The following UTRN variants were observed in gnomAD, a reference collection of about 807,000 sequenced individuals.
UTRN encodes the protein dystrophin-related protein 1.
A neutral mutation model predicts 463.9 loss-of-function variants in UTRN; 283 were observed. The observed-to-expected ratio is 0.61, with a 90% CI of 0.55 to 0.67. UTRN has a LOEUF of 0.67. UTRN is among the 30% of genes least tolerant of loss of function. The pLI is 0.00. For missense variants in UTRN, 3,922 were observed against 4,084.3 expected (o/e 0.96, Z 1.08); for synonymous variants, 1,442 against 1,431.5 (o/e 1.01, Z -0.17).
Position 144,827,373 on chromosome 6 carries a change from C to T in UTRN, c.9520C>T (p.Pro3174Ser), listed in dbSNP as rs1192294844. 1 of 1,613,412 alleles carries T rather than the reference C, an allele frequency of 6.2e-7. No individual in the cohort carries two copies. The highest frequency in any genetic ancestry group is 1.7e-5 in the Admixed American group (1 of 59,962). Reference sequence around the variant, plus strand: ...TCCTATCACACTCATCAGTATGTGGCCAGAGCACTATGAGTGAGTATTCAT... The same window carrying T: ...TCCTATCACACTCATCAGTATGTGGTCAGAGCACTATGAGTGAGTATTCAT... ...ETPITLISMW[P>S]EHYDPSQSPQ... The change falls in exon 67 of 75, where the codon CCA becomes TCA. Residue 3174 changes from proline to serine, a missense_variant. This residue lies in a region of UTRN where 1,309 missense variants were observed against 1,452.6 expected (regional missense o/e 0.90). Coordinates refer to ENST00000367545, the MANE Select transcript of UTRN (RefSeq NM_007124.3).
intron 44 of UTRN, among the ~76,000 whole-genome samples, chr6:144,539,071 C>T (rs993105444): frequency 6.6e-6 from 1 of 152,120 alleles, no homozygotes; most frequent in Non-Finnish European, 1.5e-5. Context: ...CCAGAGAGCC[C>T]GTTTGTGCAC....
chr6:144,775,866 A>C (rs1376887307), intron 60 of UTRN, among the ~76,000 whole-genome samples: 1 of 152,102 alleles, frequency 6.6e-6, no homozygotes, highest in African/African-American at 2.4e-5. Flanking sequence ...TGAAGAAAAA[A>C]ACCCCCTCCT....
chr6:144,531,363 G>A (rs1435776222), intron 42 of UTRN, among the ~76,000 whole-genome samples, 161 bp downstream of exon 42: 1 of 152,142 alleles, frequency 6.6e-6, no homozygotes, highest in East Asian at 1.9e-4. Context: ...AAAAGTTTAA[G>A]AAATTGGTCA....
At chr6:144,423,387 A>G (rs910530315) in intron 4 of UTRN, among the ~76,000 whole-genome samples, 162 bp from the exon 5 acceptor site, 2 of 152,158 alleles carry the variant, frequency 1.3e-5, no homozygotes, top group South Asian at 4.1e-4. Flanking sequence ...TCATACTGTG[A>G]ACACCAGCTT....
At chr6:144,585,730 C>G (rs1044254784) in intron 51 of UTRN, among the ~76,000 whole-genome samples, 1 of 152,060 alleles carries the variant, frequency 6.6e-6, no homozygotes, top group African/African-American at 2.4e-5. Context: ...ATGGGTTTGA[C>G]ATTTATTTGC....
intron 51 of UTRN, among the ~76,000 whole-genome samples, chr6:144,631,237 G>GGGGTGTGTGT (rs1554313464): frequency 6.8e-6 from 1 of 147,418 alleles, no homozygotes; most frequent in Non-Finnish European, 1.5e-5. Context: ...GAGAGAGAGA[G>GGGGTGTGTGT]GTGTGTGTGT....
chr6:144,746,777 T>G (rs1231069549), intron 54 of UTRN, among the ~76,000 whole-genome samples: 1 of 152,170 alleles, frequency 6.6e-6, no homozygotes. Flanking sequence ...ACACCTGGCC[T>G]CTAATTCACT....
chr6:144,548,753 G>A lies in UTRN; in HGVS notation c.6709G>A (p.Glu2237Lys). The A allele has an allele frequency of 6.2e-7, 1 of 1,613,974 alleles. No homozygotes were observed. The highest frequency in any genetic ancestry group is 8.5e-7 in the Non-Finnish European group (1 of 1,179,954). ...IPADLDKTIT[E>K]LADWLVLIDQ... ...TGCTGATCTTGATAAAACTATAACAGAACTAGCCGACTGGCTGGTATTAAT... is the reference window on the plus strand; with the variant it reads ...TGCTGATCTTGATAAAACTATAACAAAACTAGCCGACTGGCTGGTATTAAT... Residue 2237 changes from glutamate to lysine, a missense_variant, in exon 47 of 75, where the codon GAA becomes AAA. Transcript: ENST00000367545.
chr6:144,816,273 A>AT (rs750405487), intron 65 of UTRN, among the ~76,000 whole-genome samples: 4 of 151,850 alleles, frequency 2.6e-5, no homozygotes, highest in South Asian at 2.1e-4. Flanking sequence ...AATATGTCAG[A>AT]TTTTTTTTTA....
chr6:144,757,741 T>C (rs1792169891), intron 57 of UTRN, among the ~76,000 whole-genome samples, 188 bp from the exon 58 acceptor site: 1 of 152,094 alleles, frequency 6.6e-6, no homozygotes, highest in Admixed American at 6.6e-5. Flanking sequence ...GTATTGTTTC[T>C]TGTTTTACTT....
At chr6:144,450,868 A>G (rs1478023208) in intron 17 of UTRN, among the ~76,000 whole-genome samples, 1 of 152,144 alleles carries the variant, frequency 6.6e-6, no homozygotes, top group Non-Finnish European at 1.5e-5. Flanking sequence ...GTGGGTCATG[A>G]CTGTAATCAC....
intron 3 of UTRN, among the ~76,000 whole-genome samples, chr6:144,417,700 G>A (rs138702967): frequency 3.2e-4 from 48 of 152,270 alleles, no homozygotes; most frequent in African/African-American, 1.1e-3. Context: ...TCAAATTTTA[G>A]TGTCTATAAA....
intron 47 of UTRN, among the ~76,000 whole-genome samples, chr6:144,550,565 G>A (rs968306678): frequency 5.3e-5 from 8 of 152,028 alleles, no homozygotes; most frequent in Non-Finnish European, 7.4e-5. Flanking sequence ...GTTTGTGTTC[G>A]TACCTGACAC....
intron 2 of UTRN, among the ~76,000 whole-genome samples, chr6:144,360,657 C>T (rs145986984): frequency 5.3e-5 from 8 of 152,298 alleles, no homozygotes; most frequent in Admixed American, 2.0e-4. Context: ...GAAGTGTCAG[C>T]GCCCAGCAAC....
intron 13 of UTRN, 73 bp downstream of exon 13, chr6:144,440,544 C>G (rs931155803): frequency 6.9e-5 from 109 of 1,581,116 alleles, no homozygotes; most frequent in Non-Finnish European, 8.5e-5. Flanking sequence ...TGCCCTTGTT[C>G]TTCATGTCCT....
chr6:144,774,596 G>C (rs1024870394), intron 60 of UTRN, among the ~76,000 whole-genome samples: 2 of 152,098 alleles, frequency 1.3e-5, no homozygotes, highest in African/African-American at 2.4e-5. Flanking sequence ...CCAAAACACA[G>C]GAGTAATGTA....
chr6:144,609,923 C>T (rs1004191658), intron 51 of UTRN, among the ~76,000 whole-genome samples: 1 of 151,662 alleles, frequency 6.6e-6, no homozygotes, highest in African/African-American at 2.4e-5. Flanking sequence ...TGGGATGCAG[C>T]AAAATTAGCA....
At chr6:144,684,488 G>T (rs886901313) in intron 52 of UTRN, among the ~76,000 whole-genome samples, 8 of 151,790 alleles carry the variant, frequency 5.3e-5, no homozygotes, top group African/African-American at 1.7e-4. Context: ...TCTAAGTCCC[G>T]TAGACCTTGT....
chr6:144,388,331 A>G (rs936522470), intron 2 of UTRN, among the ~76,000 whole-genome samples: 1 of 149,848 alleles, frequency 6.7e-6, no homozygotes, highest in African/African-American at 2.5e-5. Context: ...GTTTTTTTTT[A>G]GAGACAGGGT....
Sources: allele counts gnomAD v4.1 joint callset (sites outside exome capture counted in the v4.1 genomes callset), GRCh38; gene constraint gnomAD v4.1.1; regional missense constraint gnomAD v4.1.1; transcripts MANE v1.5; gene names NCBI Gene and HGNC (gene_info 2026-07-23, HGNC 2026-07-21).